Variants in HEATR4 observed in about 807,000 individuals in gnomAD.
HEATR4 encodes the protein HEAT repeat containing 4, also known as HEAT repeat-containing protein 4.
In HEATR4, 95 loss-of-function variants were observed where a neutral mutation model predicts 108.8. That is an observed-to-expected ratio of 0.87 (90% CI 0.74 to 1.04). The LOEUF is 1.04. HEATR4 is among the 50% of genes least tolerant of loss of function. HEATR4 has a pLI of 0.00. For missense variants in HEATR4, 1,152 were observed against 1,253.8 expected (o/e 0.92, Z 1.23); for synonymous variants, 443 against 459.4 (o/e 0.96, Z 0.46).
At chr14:73,487,932 T>C (rs1222319559) in intron 17 of HEATR4, among the ~76,000 whole-genome samples, 1 of 152,184 alleles carries the variant, frequency 6.6e-6, no homozygotes, top group Non-Finnish European at 1.5e-5. Flanking sequence ...CAGTCTAGCT[T>C]GTAGAAGTAG....
At chr14:73,621,405 C>A in the HEATR4 span, among the ~76,000 whole-genome samples, 1 of 152,092 alleles carries the variant, frequency 6.6e-6, no homozygotes, top group Non-Finnish European at 1.5e-5. Context: ...TCATGTTATA[C>A]CTACCAAATC....
At chr14:73,621,672 C>T in the HEATR4 span, among the ~76,000 whole-genome samples, 1 of 151,902 alleles carries the variant, frequency 6.6e-6, no homozygotes, top group African/African-American at 2.4e-5. Context: ...ATGAAAAGTT[C>T]CTTAGAGGTA....
At chr14:73,612,977 C>G in the HEATR4 span, 1 of 1,152,810 alleles carries the variant, frequency 8.7e-7, no homozygotes, top group Non-Finnish European at 1.2e-6. Flanking sequence ...GGGGGTGCGG[C>G]GCGAGCCGGT....
intron 3 of HEATR4, 22 bp from the exon 4 acceptor site, chr14:73,521,061 G>C: frequency 6.3e-7 from 1 of 1,599,784 alleles, no homozygotes; most frequent in Non-Finnish European, 8.6e-7. Flanking sequence ...TGAGAAAGGA[G>C]GGAAAAGGGG....
intron 1 of HEATR4, among the ~76,000 whole-genome samples, chr14:73,554,203 C>G (rs1422795474): frequency 8.8e-6 from 1 of 113,536 alleles, no homozygotes; most frequent in Non-Finnish European, 1.9e-5. Flanking sequence ...GTAATCCCAG[C>G]TACTCAGGAG....
chr14:73,624,924 C>T, the HEATR4 span, among the ~76,000 whole-genome samples: 1 of 152,058 alleles, frequency 6.6e-6, no homozygotes, highest in Non-Finnish European at 1.5e-5. Context: ...TTAAATTTTC[C>T]ACAAGTTAAA....
At chr14:73,509,127 A>G (rs534004615) in intron 8 of HEATR4, among the ~76,000 whole-genome samples, 185 bp downstream of exon 8, 2 of 152,296 alleles carry the variant, frequency 1.3e-5, no homozygotes, top group Admixed American at 6.5e-5. Context: ...TTGGCCTCCC[A>G]AAGTGCTGGG....
At chr14:73,540,801 G>A (rs1261058767) in intron 1 of HEATR4, among the ~76,000 whole-genome samples, 1 of 108,458 alleles carries the variant, frequency 9.2e-6, no homozygotes, top group Non-Finnish European at 1.9e-5. Flanking sequence ...TGGAGTAGTG[G>A]CACAATCTTG....
At chr14:73,537,353 A>T in intron 1 of HEATR4, 1 of 1,171,932 alleles carries the variant, frequency 8.5e-7, no homozygotes. Flanking sequence ...CGAGAGGAAG[A>T]GTTGGGCAGA....
At chr14:73,585,413 G>C in the HEATR4 span, among the ~76,000 whole-genome samples, 54 of 151,524 alleles carry the variant, frequency 3.6e-4, no homozygotes, top group Admixed American at 3.3e-4. Flanking sequence ...GGCTGGGCAT[G>C]GTGGCTCACA....
the HEATR4 span, chr14:73,573,605 C>T: frequency 6.2e-7 from 1 of 1,613,320 alleles, no homozygotes; most frequent in South Asian, 1.1e-5. Flanking sequence ...GTTCTTCTTT[C>T]AGATTTATGG....
At chr14:73,511,367 GA>G (rs1400543185) in intron 7 of HEATR4, among the ~76,000 whole-genome samples, 3 of 151,180 alleles carry the variant, frequency 2.0e-5, no homozygotes, top group African/African-American at 7.3e-5. Context: ...ACAAAAAAAT[GA>G]GCTGGGCATG....
rs1356908440 is a variant in HEATR4 at position 73,543,315 on chromosome 14, T to C, written c.-151-13071A>G. 6.4e-6 allele frequency: 10 copies of C among 1,561,472 alleles called. 2 individuals are homozygous for C. The South Asian group carries it at 1.1e-4, about 18-fold the overall frequency. On this transcript the variant is annotated intron_variant, in intron 1 of 17. Coordinates refer to ENST00000553558, the MANE Select transcript of HEATR4 (RefSeq NM_001220484.1). ...GAAGGACCTGACCAGAAGAGCTTCA[T>C]TCCTGTGGAAAGGGCAGAGAGCACC...
upstream of HEATR4, among the ~76,000 whole-genome samples, chr14:73,562,021 G>A (rs111586737): frequency 4.4e-3 from 672 of 152,104 alleles, 4 homozygotes; most frequent in Non-Finnish European, 7.8e-3. Flanking sequence ...ATATATGGAT[G>A]AGCCTTGAAG....
At position 73,531,761 on chromosome 14, in the gene HEATR4, C is replaced by T. The variant is rs1888714834; in HGVS notation, c.-151-1517G>A. Among the ~76,000 whole-genome samples, 2 of 113,140 alleles carry T rather than the reference C, an allele frequency of 1.8e-5. 1 individual carries two copies. Among genetic ancestry groups the T allele is most frequent in the African/African-American group, 5.7e-5 (2 of 34,868 alleles). The allele number at this position is 113,140 out of a possible 152,430, so 74.2% of individuals were successfully genotyped here. On this transcript the variant is annotated intron_variant, in intron 1 of 17. Coordinates refer to ENST00000553558, the MANE Select transcript of HEATR4 (RefSeq NM_001220484.1). ...CTCAGCCAGGCGCAATGGCTGACACCTGTAATCCCAGCAACTTGGGAGGCT... is the reference window on the plus strand; with the variant it reads ...CTCAGCCAGGCGCAATGGCTGACACTTGTAATCCCAGCAACTTGGGAGGCT...
At chr14:73,633,367 T>G in the HEATR4 span, among the ~76,000 whole-genome samples, 38 of 152,292 alleles carry the variant, frequency 2.5e-4, no homozygotes, top group Non-Finnish European at 3.7e-4. Flanking sequence ...TCATCCCCTA[T>G]GTCCCCGCTG....
At chr14:73,587,128 G>A in the HEATR4 span, among the ~76,000 whole-genome samples, 1 of 106,430 alleles carries the variant, frequency 9.4e-6, no homozygotes, top group African/African-American at 4.2e-5. Flanking sequence ...TTCCCTGCCT[G>A]GTGTAAAAAA....
At chr14:73,563,177 C>G (rs1424960533), upstream of HEATR4, among the ~76,000 whole-genome samples, 1 of 84,628 alleles carries the variant, frequency 1.2e-5, no homozygotes, top group Non-Finnish European at 2.2e-5. Flanking sequence ...AAATTCCTCT[C>G]TTTGTACTGT....
At position 73,509,429 on chromosome 14, in the gene HEATR4, C is replaced by T; in HGVS notation, c.1603G>A (p.Glu535Lys). 6.2e-7 allele frequency: 1 copy of T among 1,614,070 alleles called. No individual in the cohort carries two copies. The highest frequency in any genetic ancestry group is 8.5e-7 in the Non-Finnish European group (1 of 1,180,020). ...GCATTCTTGTCACAAAGAGCAGCCTCTAGGGCAGGCAGTAGAACCTCCGGC... is the reference window on the plus strand; with the variant it reads ...GCATTCTTGTCACAAAGAGCAGCCTTTAGGGCAGGCAGTAGAACCTCCGGC... ...DLPEVLLPALEAALCDKNAHV... is the reference protein window; with the variant it reads ...DLPEVLLPALKAALCDKNAHV... Residue 535 changes from glutamate to lysine, a missense_variant, in exon 8 of 18, where the codon GAG becomes AAG. Glu to Lys is a moderately conservative substitution (Grantham distance 56, BLOSUM62 1). Transcript: ENST00000553558.
Sources: gnomAD v4.1 joint callset for allele counts (sites outside exome capture counted in the v4.1 genomes callset) on GRCh38, gnomAD v4.1.1 for gene constraint, MANE v1.5 for transcripts, NCBI Gene and HGNC (gene_info 2026-07-23, HGNC 2026-07-21) for gene names.